Variants in LRRC9 observed in about 807,000 individuals in gnomAD.
LRRC9 encodes the protein leucine-rich repeat-containing protein 9.
LRRC9 carries 122 observed loss-of-function variants against 63.2 expected under a neutral mutation model. That is an observed-to-expected ratio of 1.93 (90% CI 1.67 to 2.24). The LOEUF (loss-of-function observed/expected upper bound fraction) is 2.24. LRRC9 is among the 30% of genes most tolerant of loss of function. The probability of loss-of-function intolerance (pLI) is 0.00; values close to 1 mark genes in which losing one functional copy is unlikely to be tolerated. For missense variants in LRRC9, 1,071 were observed against 627.7 expected (o/e 1.71, Z -7.55); for synonymous variants, 366 against 213.1 (o/e 1.72, Z -6.25).
chr14:59,959,344 T>C (rs978774587), intron 8 of LRRC9, among the ~76,000 whole-genome samples: 2 of 152,182 alleles, frequency 1.3e-5, no homozygotes, highest in Admixed American at 6.5e-5. Flanking sequence ...CCCCTATATA[T>C]ATGCTTTCGT....
chr14:59,933,109 G>T (rs1889844528), intron 6 of LRRC9, among the ~76,000 whole-genome samples: 1 of 151,992 alleles, frequency 6.6e-6, no homozygotes, highest in Non-Finnish European at 1.5e-5. Context: ...TCATATACCT[G>T]CATGGCTCAT....
rs1425505266 is a variant in LRRC9 at position 59,999,172 on chromosome 14, TGAA to T, written c.2483_2485del (p.Glu828del). The stretch of plus-strand genomic sequence containing the variant: ...CCCATTTAAATGGAGTCTTCATTTC[TGAA>T]GAAGAAGCAACAGCAGCTATGAAAT... On this transcript the variant is annotated inframe_deletion, in exon 19 of 32. Coordinates refer to ENST00000445360, the Ensembl canonical transcript of LRRC9. 5.7e-6 allele frequency: 4 copies of T among 701,276 alleles called. No individual in the cohort carries two copies. In the African/African-American group the frequency reaches 7.0e-5, roughly 12 times the overall value. The allele number at this position is 701,276 out of a possible 1,614,324, so 43.4% of individuals were successfully genotyped here. A position where few individuals can be genotyped will look rare whatever the true frequency, so the allele number is the denominator to read the frequency against.
rs886622909 is a variant in LRRC9, at chr14:60,017,857, G to A, written c.3318-514G>A. On this transcript the variant is annotated intron_variant, in intron 24 of 31. Transcript: ENST00000445360. The surrounding 1 kb of genome is among the most constrained non-coding windows in gnomAD (Gnocchi z 4.0). ...AATTACCAAAATGTTCACACAGGGT[G>A]GAATGCCATAAAAGTTTCCAGAAGA... is the stretch of plus-strand genomic sequence containing the variant. Among the ~76,000 whole-genome samples the A allele has an allele frequency of 6.6e-6, 1 of 151,958 alleles. No homozygotes were observed. The highest frequency in any genetic ancestry group is 1.9e-4 in the East Asian group (1 of 5,184).
chr14:59,968,775 G>C (rs943012884), intron 12 of LRRC9, among the ~76,000 whole-genome samples: 2 of 152,108 alleles, frequency 1.3e-5, no homozygotes, highest in African/African-American at 4.8e-5. Flanking sequence ...TACCAGCCCT[G>C]TGCTGAGTAC....
rs936934577 is a variant in LRRC9 at position 59,938,317 on chromosome 14, C to T, written c.544-73C>T. On this transcript the variant is annotated intron_variant, in intron 6 of 31. Coordinates refer to ENST00000445360, the Ensembl canonical transcript of LRRC9. The surrounding 1 kb of genome is among the most constrained non-coding windows in gnomAD (Gnocchi z 4.2). ...TAGAATGCATTAGACTATGGCTGAT[C>T]TTAGGTGTTCAAATACTGCCTTTAG... 3 of 594,600 alleles carry T rather than the reference C, an allele frequency of 5.0e-6. No homozygotes were observed. Among genetic ancestry groups the T allele is most frequent in the Non-Finnish European group, 9.0e-6 (3 of 333,714 alleles). The allele number at this position is 594,600 out of a possible 1,614,324, so 36.8% of individuals were successfully genotyped here. A position where few individuals can be genotyped will look rare whatever the true frequency, so the allele number is the denominator to read the frequency against.
rs1888922634 is a variant in LRRC9 at position 59,923,135 on chromosome 14, C to T, written c.-34+3252C>T. Among the ~76,000 whole-genome samples, 1 of 152,202 alleles carries T rather than the reference C, an allele frequency of 6.6e-6. No individual in the cohort carries two copies. The highest frequency in any genetic ancestry group is 2.4e-5 in the African/African-American group (1 of 41,450). The stretch of plus-strand genomic sequence containing the variant: ...CACCTCTTGATGAATTCAGTAACTT[C>T]ATCTGGAACCCTTGAGTCCATTTGT... On this transcript the variant is annotated intron_variant, in intron 1 of 31. Transcript: ENST00000445360. The surrounding 1 kb of genome is among the most constrained non-coding windows in gnomAD (Gnocchi z 4.2).
intron 16 of LRRC9, among the ~76,000 whole-genome samples, chr14:59,984,365 T>A (rs1300814086): frequency 6.6e-6 from 1 of 152,198 alleles, no homozygotes; most frequent in African/African-American, 2.4e-5. Flanking sequence ...GGGAGATAGA[T>A]ACTTGATACT....
At chr14:59,968,353 G>T (rs1885079860) in intron 12 of LRRC9, among the ~76,000 whole-genome samples, 1 of 152,190 alleles carries the variant, frequency 6.6e-6, no homozygotes, top group Non-Finnish European at 1.5e-5. Context: ...AATGGATGGT[G>T]GCGATGGTTG....
Position 59,981,847 on chromosome 14 carries a change from G to A in LRRC9, c.1879-1G>A, listed in dbSNP as rs149149430. 4.7e-5 allele frequency: 32 copies of A among 686,534 alleles called. No individual in the cohort carries two copies. Among genetic ancestry groups the A allele is most frequent in the Non-Finnish European group, 7.4e-5 (28 of 380,472 alleles). 42.5% of individuals were successfully genotyped at this position (686,534 alleles called of 1,614,324 possible). A position where few individuals can be genotyped will look rare whatever the true frequency, so the allele number is the denominator to read the frequency against. ...TGCAATGTTTTTAATACATTTTTTAGGTCAAGGCACCCTCTTTATTTTCTG... is the reference window on the plus strand; with the variant it reads ...TGCAATGTTTTTAATACATTTTTTAAGTCAAGGCACCCTCTTTATTTTCTG... On this transcript the variant is annotated splice_acceptor_variant, in intron 15 of 31. Coordinates refer to ENST00000445360, the Ensembl canonical transcript of LRRC9. LOFTEE classifies it high-confidence loss of function.
Position 59,919,885 on chromosome 14 carries a change from T to C in LRRC9, c.-34+2T>C, listed in dbSNP as rs1888609950. ...GTCACGTTCCGCGAACTGGCGAAGG[T>C]AAGTGAAAAGATAAGCGCAGGTACA... On this transcript the variant is annotated splice_donor_variant, in intron 1 of 31. Transcript: ENST00000445360. LOFTEE classifies it low-confidence loss of function (5UTR_SPLICE). The surrounding 1 kb of genome is among the most constrained non-coding windows in gnomAD (Gnocchi z 4.5). 1 of 152,148 alleles carries C rather than the reference T, an allele frequency of 6.6e-6. No homozygotes were observed. Among genetic ancestry groups the C allele is most frequent in the Non-Finnish European group, 1.5e-5 (1 of 68,070 alleles). The allele number at this position is 152,148 out of a possible 1,614,324, so 9.4% of individuals were successfully genotyped here.
rs1368463099 is a variant in LRRC9 at position 60,053,896 on chromosome 14, C to T, written c.4131+691C>T. ...ACAGAGAAGTAACATTATTAGAATGCTGTGGTTTGAGAAAAAAAGAGGCTG... is the reference window on the plus strand; with the variant it reads ...ACAGAGAAGTAACATTATTAGAATGTTGTGGTTTGAGAAAAAAAGAGGCTG... On this transcript the variant is annotated intron_variant, in intron 30 of 31. Coordinates refer to ENST00000445360, the Ensembl canonical transcript of LRRC9. This position sits in a 1 kb window ranked among gnomAD's most constrained non-coding sequence, Gnocchi z 4.8. 2.2e-6 allele frequency: 1 copy of T among 455,118 alleles called. No individual in the cohort carries two copies. The highest frequency in any genetic ancestry group is 4.4e-6 in the Non-Finnish European group (1 of 226,506). 28.2% of individuals were successfully genotyped at this position (455,118 alleles called of 1,614,324 possible).
intron 31 of LRRC9, 65 bp from the exon 32 acceptor site, chr14:60,061,946 T>C (rs906561607): frequency 5.0e-6 from 2 of 397,968 alleles, no homozygotes; most frequent in East Asian, 7.2e-5. Context: ...TTAATGCTTA[T>C]GTTAATTAAT....
Position 59,974,874 on chromosome 14 carries a change from A to G in LRRC9, c.1639+166A>G, listed in dbSNP as rs74598744. Reference sequence around the variant, plus strand: ...AGTAATACATGACTTTCTCATCATTAATTTAGCCACACTTTTAACAGATAC... The same window carrying G: ...AGTAATACATGACTTTCTCATCATTGATTTAGCCACACTTTTAACAGATAC... On this transcript the variant is annotated intron_variant, in intron 13 of 31. Coordinates refer to ENST00000445360, the Ensembl canonical transcript of LRRC9. Among the ~76,000 whole-genome samples the G allele has an allele frequency of 8.2e-3, 1,237 of 151,444 alleles. 16 individuals are homozygous for G. Among genetic ancestry groups the G allele is most frequent in the African/African-American group, 0.028 (1,177 of 41,322 alleles).
At chr14:60,011,221 A>C (rs1890234871) in intron 23 of LRRC9, among the ~76,000 whole-genome samples, 1 of 152,200 alleles carries the variant, frequency 6.6e-6, no homozygotes, top group Non-Finnish European at 1.5e-5. Context: ...AGCAGGTCTT[A>C]CATGGTGGCA....
intron 19 of LRRC9, among the ~76,000 whole-genome samples, chr14:60,000,187 C>T (rs1043476013): frequency 6.6e-6 from 1 of 152,102 alleles, no homozygotes. Context: ...TGAATTAACA[C>T]AGAAACATAA....
intron 29 of LRRC9, among the ~76,000 whole-genome samples, chr14:60,048,351 C>T (rs1245238734): frequency 3.3e-5 from 5 of 151,902 alleles, no homozygotes; most frequent in Non-Finnish European, 5.9e-5. Context: ...AACTCCAGGA[C>T]GTGGTTTTTT....
Position 59,990,799 on chromosome 14 carries a change from C to G in LRRC9, c.2211+5575C>G, listed in dbSNP as rs1888003772. Among the ~76,000 whole-genome samples the G allele has an allele frequency of 6.6e-6, 1 of 152,218 alleles. No individual in the cohort carries two copies. Among genetic ancestry groups the G allele is most frequent in the Non-Finnish European group, 1.5e-5 (1 of 68,050 alleles). Reference sequence around the variant, plus strand: ...TATTTCAATTGCTGTAAATTGGTCTCCACACATTCCGGTGAATATTTGTTG... The same window carrying G: ...TATTTCAATTGCTGTAAATTGGTCTGCACACATTCCGGTGAATATTTGTTG... On this transcript the variant is annotated intron_variant, in intron 17 of 31. Transcript: ENST00000445360. This position sits in a 1 kb window ranked among gnomAD's most constrained non-coding sequence, Gnocchi z 4.2.
chr14:59,992,886 G>T (rs1402195932), intron 17 of LRRC9, among the ~76,000 whole-genome samples: 4 of 152,224 alleles, frequency 2.6e-5, no homozygotes, highest in Non-Finnish European at 5.9e-5. Flanking sequence ...ACACTCTGCA[G>T]GATATTATCC....
intron 17 of LRRC9, 91 bp downstream of exon 17, chr14:59,985,315 G>C: frequency 2.0e-6 from 1 of 502,428 alleles, no homozygotes; most frequent in Non-Finnish European, 3.6e-6. Flanking sequence ...TAGGGGAAAT[G>C]GGGAGATATT....
Sources: gnomAD v4.1 joint callset for allele counts (sites outside exome capture counted in the v4.1 genomes callset) on GRCh38, gnomAD v4.1.1 for gene constraint, Gnocchi (gnomAD v3.1) non-coding constraint, MANE v1.5 for transcripts, NCBI Gene and HGNC (gene_info 2026-07-23, HGNC 2026-07-21) for gene names.